Variants in MYO15A observed in about 807,000 individuals in gnomAD.
MYO15A encodes unconventional myosin-XV.
MYO15A carries 308 observed loss-of-function variants against 394.6 expected under a neutral mutation model. The observed-to-expected ratio is 0.78, with a 90% confidence interval of 0.71 to 0.86. The LOEUF (loss-of-function observed/expected upper bound fraction) is 0.86. Ranked by LOEUF, MYO15A falls within the 40% of genes least tolerant of loss-of-function variation. The probability of loss-of-function intolerance (pLI) is 0.00; values close to 1 mark genes in which losing one functional copy is unlikely to be tolerated. For synonymous variants in MYO15A, 1,957 were observed against 2,003.8 expected, an observed-to-expected ratio of 0.98 and a Z score of 0.62; for missense variants, 4,606 against 4,799.1, an observed-to-expected ratio of 0.96 and a Z score of 1.19.
chr17:18,137,821 C>T (rs1597787408), intron 16 of MYO15A, 142 bp downstream of exon 16: 1 of 1,059,616 alleles, frequency 9.4e-7, no homozygotes, highest in East Asian at 2.6e-5. Flanking sequence ...AAGCTGGGGA[C>T]CAGCCCATGG....
rs371925798 is a variant in MYO15A, at chr17:18,117,662, G to C, written c.-219-920G>C. 6.6e-6 allele frequency among the ~76,000 whole-genome samples: 1 copy of C among 152,166 alleles called. No homozygotes were observed. Among genetic ancestry groups the C allele is most frequent in the African/African-American group, 2.4e-5 (1 of 41,440 alleles). On this transcript the variant is annotated intron_variant, in intron 1 of 65. Coordinates refer to ENST00000647165, the MANE Select transcript of MYO15A (RefSeq NM_016239.4). This position sits in a 1 kb window ranked among gnomAD's most constrained non-coding sequence, Gnocchi z 4.1. ...CCCACCCCCTACCTCTTTTAGTGCA[G>C]GTTCTCAAAAGTGAGTTAGACTGGC...
intron 64 of MYO15A, 68 bp downstream of exon 64, chr17:18,172,358 G>T: frequency 6.2e-7 from 1 of 1,610,900 alleles, no homozygotes; most frequent in Non-Finnish European, 8.5e-7. Context: ...CCCTCCAAGA[G>T]GCCAAGACCT....
At position 18,121,009 on chromosome 17, in the gene MYO15A, G is replaced by A; in HGVS notation, c.2209G>A (p.Ala737Thr). 1 of 1,509,082 alleles carries A rather than the reference G, an allele frequency of 6.6e-7. No individual in the cohort carries two copies. Among genetic ancestry groups the A allele is most frequent in the African/African-American group, 1.4e-5 (1 of 69,502 alleles). 93.5% of individuals were successfully genotyped at this position (1,509,082 alleles called of 1,614,324 possible). ...CCCGGAGGTGCCCCCCGACCTACTA[G>A]CCTTCCCAGGGCCCCGACCCTCGTT... is the stretch of plus-strand genomic sequence containing the variant. ...VSPEVPPDLLAFPGPRPSFRG... is the reference protein window; with the variant it reads ...VSPEVPPDLLTFPGPRPSFRG... Residue 737 changes from alanine to threonine, a missense_variant, in exon 2 of 66, where the codon GCC becomes ACC. By Grantham distance (58) the Ala-to-Thr change is moderately conservative (BLOSUM62 0). This residue lies in a region of MYO15A where 1,830 missense variants were observed against 1,689.7 expected (regional missense o/e 1.08). Transcript: ENST00000647165. This position sits in a 1 kb window ranked among gnomAD's most constrained non-coding sequence, Gnocchi z 5.3.
rs2045895785 is a variant in MYO15A at position 18,120,483 on chromosome 17, T to C, written c.1683T>C (p.Phe561=). The C allele has an allele frequency of 1.3e-6, 2 of 1,573,546 alleles. No homozygotes were observed. The highest frequency in any genetic ancestry group is 1.7e-6 in the Non-Finnish European group (2 of 1,163,494). ...AHRGLGFGPE[F]GRPVPRPATS... ...GGGGCCTGGGCTTCGGCCCTGAGTT[T>C]GGCCGCCCCGTGCCTCGCCCTGCCA... Residue 561 remains phenylalanine, a synonymous_variant, in exon 2 of 66, where the codon TTT becomes TTC. Transcript: ENST00000647165.
chr17:18,136,662 C>T lies in MYO15A; in HGVS notation c.4755C>T (p.Ala1585=). The T allele has an allele frequency of 1.2e-6, 2 of 1,610,864 alleles. No homozygotes were observed. The highest frequency in any genetic ancestry group is 1.1e-5 in the South Asian group (1 of 90,790). Residue 1585 remains alanine (A), a synonymous_variant, in exon 15 of 66, where the codon GCC becomes GCT. Transcript: ENST00000647165. ...CAAGGCAGGACACACTGTCCATCGC[C>T]ATCCTGGACATCTATGGTTTCGAGG... ...VSPRQDTLSI[A]ILDIYGFEDL... is the part of the protein sequence containing the mutation.
chr17:18,119,950 G>A lies in MYO15A; in HGVS notation c.1150G>A (p.Val384Ile), dbSNP rs768528626. 3.7e-6 allele frequency: 6 copies of A among 1,613,498 alleles called. No homozygotes were observed. The highest frequency in any genetic ancestry group is 1.3e-5 in the African/African-American group (1 of 74,886). The change falls in exon 2 of 66, where the codon GTC becomes ATC. Residue 384 changes from valine (V) to isoleucine (I), a missense_variant. Transcript: ENST00000647165. Reference protein sequence around the residue: ...VHYTVPYAEGVYGGGDEAIYP... With the variant: ...VHYTVPYAEGIYGGGDEAIYP... ...CTACACCGTCCCCTATGCCGAAGGC[G>A]TCTATGGCGGTGGGGACGAGGCCAT... is the stretch of plus-strand genomic sequence containing the variant.
Position 18,148,401 on chromosome 17 carries a change from G to T in MYO15A, c.6692-95G>T. The stretch of plus-strand genomic sequence containing the variant: ...GGGGAGCCAGGGAAGTGAGGCTACA[G>T]ATACAGGAAGCCTGAAAGGAAGAAG... On this transcript the variant is annotated intron_variant, in intron 31 of 65. Transcript: ENST00000647165. This position sits in a 1 kb window ranked among gnomAD's most constrained non-coding sequence, Gnocchi z 4.8. The T allele has an allele frequency of 6.7e-7, 1 of 1,494,268 alleles. No homozygotes were observed. Among genetic ancestry groups the T allele is most frequent in the Non-Finnish European group, 9.1e-7 (1 of 1,098,410 alleles). 92.6% of individuals were successfully genotyped at this position (1,494,268 alleles called of 1,614,324 possible). A position where few individuals can be genotyped will look rare whatever the true frequency, so the allele number is the denominator to read the frequency against.
In MYO15A at chr17:18,142,788, T is replaced by C; in HGVS notation, c.5858T>C (p.Val1953Ala). The C allele has an allele frequency of 6.2e-7, 1 of 1,613,640 alleles. No individual in the cohort carries two copies. The highest frequency in any genetic ancestry group is 2.2e-5 in the East Asian group (1 of 44,870). The change falls in exon 25 of 66, where the codon GTG becomes GCG. Residue 1953 changes from valine (V) to alanine (A), a missense_variant. Val to Ala is a moderately conservative substitution (Grantham distance 64). Transcript: ENST00000647165. ...QRYQQMRRSL[V>A]KFRSLVHAYV... is the part of the protein sequence containing the mutation. ...TATCAGCAGATGAGGAGGAGTCTGGTGAAGTTCCGGTCCCTGGTACACGCA... is the reference window on the plus strand; with the variant it reads ...TATCAGCAGATGAGGAGGAGTCTGGCGAAGTTCCGGTCCCTGGTACACGCA...
intron 56 of MYO15A, 121 bp from the exon 57 acceptor site, chr17:18,161,196 G>C: frequency 7.6e-7 from 1 of 1,321,300 alleles, no homozygotes; most frequent in Non-Finnish European, 1.1e-6. Context: ...GCAGGGAGGG[G>C]CATCCTCAGG....
At position 18,130,790 on chromosome 17, in the gene MYO15A, T is replaced by A; in HGVS notation, c.4033-15T>A. ...TTGTCTGTCTCTTTGTCCTCCCTCC[T>A]GGACGCTCTTGAAGATAAAGGTACT... On this transcript the variant is annotated splice_polypyrimidine_tract_variant and intron_variant, in intron 7 of 65. Coordinates refer to ENST00000647165, the MANE Select transcript of MYO15A (RefSeq NM_016239.4). The A allele has an allele frequency of 1.9e-6, 3 of 1,605,008 alleles. No homozygotes were observed. Among genetic ancestry groups the A allele is most frequent in the Non-Finnish European group, 2.6e-6 (3 of 1,175,596 alleles).
Position 18,158,909 on chromosome 17 carries a change from C to T in MYO15A, c.9084-16C>T, listed in dbSNP as rs1245101458. On this transcript the variant is annotated splice_polypyrimidine_tract_variant and intron_variant, in intron 52 of 65. Transcript: ENST00000647165. ...CTTGGGCAGGACAGGTCAGTAGCAC[C>T]CACCTCCCACTGCAGGGATGGCCTC... 4.3e-6 allele frequency: 7 copies of T among 1,613,990 alleles called. No individual in the cohort carries two copies. The highest frequency in any genetic ancestry group is 5.9e-6 in the Non-Finnish European group (7 of 1,179,882).
chr17:18,156,733 T>C (rs1188806895), intron 48 of MYO15A, among the ~76,000 whole-genome samples: 1 of 152,188 alleles, frequency 6.6e-6, no homozygotes, highest in African/African-American at 2.4e-5. Context: ...CTGTGAGGGA[T>C]TGAGTGGGGA....
rs777076262 is a variant in MYO15A at position 18,148,160 on chromosome 17, C to T, written c.6641C>T (p.Thr2214Ile). 2 of 1,613,856 alleles carry T rather than the reference C, an allele frequency of 1.2e-6. No individual in the cohort carries two copies. The highest frequency in any genetic ancestry group is 4.5e-5 in the East Asian group (2 of 44,880). Residue 2214 changes from threonine (T) to isoleucine (I), a missense_variant, in exon 31 of 66, where the codon ACA becomes ATA. Thr to Ile is a moderately conservative substitution (Grantham distance 89). This residue lies in a region of MYO15A where 2,776 missense variants were observed against 3,109.3 expected (regional missense o/e 0.89). Transcript: ENST00000647165. This position sits in a 1 kb window ranked among gnomAD's most constrained non-coding sequence, Gnocchi z 4.8. Reference sequence around the variant, plus strand: ...TTACCCCCGACCCAGCTCGAGTGGACAGCGACCTATGAGAAGGCCAGCATG... The same window carrying T: ...TTACCCCCGACCCAGCTCGAGTGGATAGCGACCTATGAGAAGGCCAGCATG... ...RTLPPTQLEW[T>I]ATYEKASMAL...
At position 18,153,956 on chromosome 17, in the gene MYO15A, C is replaced by A. The variant is rs112370598; in HGVS notation, c.8088+60C>A. The A allele has an allele frequency of 4.9e-5, 79 of 1,609,138 alleles. No individual in the cohort carries two copies. In the South Asian group the frequency reaches 8.0e-4, roughly 16 times the overall value. ...AAGCGGGGCAGGGGAGGGGCTGAAG[C>A]GAGCAGAGGAGGGTCTAGGACTTGG... On this transcript the variant is annotated intron_variant, in intron 43 of 65. Transcript: ENST00000647165. This position sits in a 1 kb window ranked among gnomAD's most constrained non-coding sequence, Gnocchi z 4.1.
At chr17:18,163,185 A>G in intron 58 of MYO15A, 59 bp from the exon 59 acceptor site, 1 of 1,559,436 alleles carries the variant, frequency 6.4e-7, no homozygotes, top group Non-Finnish European at 8.8e-7. Flanking sequence ...GCAGGAGACA[A>G]GGGCTGTCCC....
intron 56 of MYO15A, chr17:18,161,116 C>T (rs1424255827): frequency 1.3e-5 from 11 of 840,026 alleles, no homozygotes; most frequent in Non-Finnish European, 1.9e-5. Flanking sequence ...ATGTCTGGGG[C>T]CCCATCCCCT....
chr17:18,135,725 G>A lies in MYO15A; in HGVS notation c.4497G>A (p.Glu1499=). The A allele has an allele frequency of 6.2e-7, 1 of 1,614,156 alleles. No homozygotes were observed. Among genetic ancestry groups the A allele is most frequent in the East Asian group, 2.2e-5 (1 of 44,882 alleles). Residue 1499 remains glutamate (E), a synonymous_variant, in exon 13 of 66, where the codon GAG becomes GAA. Coordinates refer to ENST00000647165, the MANE Select transcript of MYO15A (RefSeq NM_016239.4). The stretch of plus-strand genomic sequence containing the variant: ...ATTTTGCATAGACGGATGCACAGGA[G>A]GTGGCCTCAGTGGTGAGTGCCCGAG... ...YFEKYETDAQ[E]VASVVSAREI... is the part of the protein sequence containing the mutation.
At chr17:18,134,698 C>T (rs1292135608) in intron 12 of MYO15A, among the ~76,000 whole-genome samples, 1 of 152,084 alleles carries the variant, frequency 6.6e-6, no homozygotes, top group Non-Finnish European at 1.5e-5. Flanking sequence ...GCCTAGGCAA[C>T]ATAGCAAGAC....
intron 1 of MYO15A, among the ~76,000 whole-genome samples, chr17:18,111,805 C>A (rs2045725443): frequency 6.6e-6 from 1 of 152,218 alleles, no homozygotes; most frequent in Non-Finnish European, 1.5e-5. Flanking sequence ...GCCCAGCTCT[C>A]CGCTATCTCA....
Sources: gnomAD v4.1 joint callset for allele counts (sites outside exome capture counted in the v4.1 genomes callset) on GRCh38, gnomAD v4.1.1 for gene constraint, gnomAD v4.1.1 regional missense constraint, Gnocchi (gnomAD v3.1) non-coding constraint, MANE v1.5 for transcripts, NCBI Gene and HGNC (gene_info 2026-07-23, HGNC 2026-07-21) for gene names.